Variants in PRKDC observed in about 807,000 individuals in gnomAD.
The protein encoded by PRKDC is DNA-dependent protein kinase catalytic subunit.
In PRKDC, 82 loss-of-function variants were observed where a neutral mutation model predicts 486.9. That is an observed-to-expected ratio of 0.17 (90% CI 0.14 to 0.20). The LOEUF (loss-of-function observed/expected upper bound fraction) is 0.20, where lower values mean the gene tolerates loss of function less well. Among genes scored for constraint, PRKDC ranks in the 10% least tolerant of loss-of-function variants. The pLI, the probability that PRKDC is intolerant of heterozygous loss-of-function variation, is 1.00. For missense variants in PRKDC, 4,504 were observed against 5,038.2 expected, an observed-to-expected ratio of 0.89 and a Z score of 3.21; for synonymous variants, 1,895 against 1,837.0, an observed-to-expected ratio of 1.03 and a Z score of -0.81.
At chr8:47,918,415 T>C (rs1237308661) in intron 21 of PRKDC, 32 bp from the exon 22 acceptor site, 4 of 1,321,324 alleles carry the variant, frequency 3.0e-6, no homozygotes, top group Non-Finnish European at 4.1e-6. Flanking sequence ...AAATTTAAAA[T>C]AGCACTCATT....
chr8:47,920,323 G>T (rs2090052075), intron 21 of PRKDC, among the ~76,000 whole-genome samples: 1 of 152,106 alleles, frequency 6.6e-6, no homozygotes, highest in Non-Finnish European at 1.5e-5. Flanking sequence ...CTGGTTTTTG[G>T]CTCAAATTGC....
At chr8:47,813,400 A>T (rs538447203) in intron 68 of PRKDC, among the ~76,000 whole-genome samples, 2 of 152,088 alleles carry the variant, frequency 1.3e-5, no homozygotes, top group Admixed American at 1.3e-4. Context: ...TTACAGGTGT[A>T]AGCCACCATG....
chr8:47,883,963 G>T (rs1197273822), intron 36 of PRKDC, among the ~76,000 whole-genome samples: 3 of 152,228 alleles, frequency 2.0e-5, no homozygotes, highest in Non-Finnish European at 4.4e-5. Flanking sequence ...GACCCAGCTG[G>T]CTATGATGCC....
chr8:47,847,898 A>T (rs576370338), intron 54 of PRKDC, among the ~76,000 whole-genome samples: 9 of 149,162 alleles, frequency 6.0e-5, no homozygotes, highest in African/African-American at 7.4e-5. Flanking sequence ...TATATATATA[A>T]AAGTCATCAT....
At chr8:47,900,214 C>T (rs2089654464) in intron 28 of PRKDC, among the ~76,000 whole-genome samples, 159 bp downstream of exon 28, 2 of 152,040 alleles carry the variant, frequency 1.3e-5, no homozygotes, top group African/African-American at 4.8e-5. Flanking sequence ...TATTAACAAG[C>T]TGGGTTTGAG....
chr8:47,927,011 A>G, intron 21 of PRKDC, 183 bp downstream of exon 21: 1 of 639,808 alleles, frequency 1.6e-6, no homozygotes, highest in Admixed American at 3.4e-5. Flanking sequence ...TTAATACCTC[A>G]ACTATATTTC....
chr8:47,779,139 TTA>T (rs1224535177), intron 80 of PRKDC, 46 bp from the exon 81 acceptor site: 3 of 1,381,276 alleles, frequency 2.2e-6, no homozygotes, highest in African/African-American at 2.9e-5. Flanking sequence ...GATTTTAGCA[TTA>T]TGTGATTTCA....
intron 61 of PRKDC, 83 bp downstream of exon 61, chr8:47,830,522 G>C: frequency 6.5e-7 from 1 of 1,546,038 alleles, no homozygotes; most frequent in South Asian, 1.2e-5. Context: ...GACAGCCTCA[G>C]CCATGTTTCC....
intron 58 of PRKDC, 27 bp downstream of exon 58, chr8:47,836,311 A>G (rs573138223): frequency 2.0e-6 from 3 of 1,526,648 alleles, no homozygotes; most frequent in East Asian, 2.3e-5. Flanking sequence ...TGCTGTATAC[A>G]TGGCCAGCGG....
rs1273425659 is a variant in PRKDC, at chr8:47,819,412, T to C, written c.9435A>G (p.Ile3145Met). 3.9e-6 allele frequency: 6 copies of C among 1,533,922 alleles called. No individual in the cohort carries two copies. Among genetic ancestry groups the C allele is most frequent in the East Asian group, 2.4e-5 (1 of 41,726 alleles). The change falls in exon 67 of 86, where the codon ATA (isoleucine) becomes ATG (methionine). Residue 3145 changes from isoleucine (I) to methionine (M), a missense_variant. Physicochemically the swap from Ile to Met is conservative, Grantham distance 10 (BLOSUM62 1). This residue lies in a region of PRKDC where 1,592 missense variants were observed against 1,724.6 expected (regional missense o/e 0.92). Transcript: ENST00000314191. ...GATGAAAAAAATTACCTTGTTTGCT[T>C]ATAAAGCTGATGAACTCCTGAATTT... ...LTEIQEFISF[I>M]SKQGNLSSQV...
intron 76 of PRKDC, among the ~76,000 whole-genome samples, chr8:47,788,669 C>A (rs752419696): frequency 3.5e-4 from 54 of 152,188 alleles, no homozygotes; most frequent in Non-Finnish European, 6.6e-4. Flanking sequence ...TGAGCATGAA[C>A]AACGTGTAAT....
At chr8:47,921,657 T>A (rs186213870) in intron 21 of PRKDC, among the ~76,000 whole-genome samples, 105 of 152,286 alleles carry the variant, frequency 6.9e-4, no homozygotes, top group Middle Eastern at 3.4e-3. Context: ...ATACTGCTGG[T>A]GTGTAAGGCA....
rs1356141678 is a variant in PRKDC, at chr8:47,799,278, A to G, written c.10229T>C (p.Ile3410Thr). Reference protein sequence around the residue: ...SWSCGPAAGVIDAYMTLADFC... With the variant: ...SWSCGPAAGVTDAYMTLADFC... ...ATCTGCCAGCGTCATGTAAGCATCA[A>G]TCACCCCAGCTGCAGGCCCACAGCT... Residue 3410 changes from isoleucine (I) to threonine (T), a missense_variant, in exon 72 of 86, where the codon ATT (isoleucine) becomes ACT (threonine). Transcript: ENST00000314191. 1.9e-6 allele frequency: 3 copies of G among 1,613,664 alleles called. No individual in the cohort carries two copies. The highest frequency in any genetic ancestry group is 2.2e-5 in the East Asian group (1 of 44,898).
Position 47,817,563 on chromosome 8 carries a change from TA to T in PRKDC, c.9446-3del. On this transcript the variant is annotated splice_region_variant and splice_polypyrimidine_tract_variant and intron_variant, in intron 67 of 85. Coordinates refer to ENST00000314191, the MANE Select transcript of PRKDC (RefSeq NM_006904.7). ...GGGGAACTTGAGATGATAAATTGCCTAAAAATAGTATTAGAGGGTGACTATA... is the reference window on the plus strand; with the variant it reads ...GGGGAACTTGAGATGATAAATTGCCTAAAATAGTATTAGAGGGTGACTATA... 2 of 1,558,810 alleles carry T rather than the reference TA, an allele frequency of 1.3e-6. No individual in the cohort carries two copies. Among genetic ancestry groups the T allele is most frequent in the Admixed American group, 1.8e-5 (1 of 55,852 alleles).
At chr8:47,887,731 C>T in intron 34 of PRKDC, 26 bp from the exon 35 acceptor site, 1 of 1,571,318 alleles carries the variant, frequency 6.4e-7, no homozygotes, top group East Asian at 2.3e-5. Context: ...CACTGAAATG[C>T]CTAGCAAAAA....
Position 47,819,451 on chromosome 8 carries a change from T to C in PRKDC, c.9396A>G (p.Val3132=). The part of the protein sequence containing the change: ...HQSRLTKLQS[V]QALTEIQEFI... ...ACTCCTGAATTTCTGTTAAAGCCTGTACAGACTGCAATTTGGTGAGTCTAC... is the reference window on the plus strand; with the variant it reads ...ACTCCTGAATTTCTGTTAAAGCCTGCACAGACTGCAATTTGGTGAGTCTAC... The change falls in exon 67 of 86, where the codon GTA becomes GTG. Residue 3132 remains valine, a synonymous_variant. Transcript: ENST00000314191. 6.4e-7 allele frequency: 1 copy of C among 1,564,666 alleles called. No homozygotes were observed. The highest frequency in any genetic ancestry group is 8.6e-7 in the Non-Finnish European group (1 of 1,163,432).
At chr8:47,779,293 T>A in intron 80 of PRKDC, 200 bp from the exon 81 acceptor site, 2 of 480,478 alleles carry the variant, frequency 4.2e-6, no homozygotes, top group Non-Finnish European at 7.3e-6. Flanking sequence ...TCATTCTTAA[T>A]TACTCCTAAA....
intron 38 of PRKDC, among the ~76,000 whole-genome samples, chr8:47,880,702 A>C (rs2089194884): frequency 6.6e-6 from 1 of 152,180 alleles, no homozygotes; most frequent in African/African-American, 2.4e-5. Context: ...CAATTTAAAT[A>C]ATATGTATGC....
chr8:47,954,432 A>G lies in PRKDC; in HGVS notation c.414T>C (p.Phe138=), dbSNP rs2090671256. The change falls in exon 5 of 86, where the codon TTT becomes TTC. Residue 138 remains phenylalanine (F), a synonymous_variant. Coordinates refer to ENST00000314191, the MANE Select transcript of PRKDC (RefSeq NM_006904.7). ...LDLLIKLLQT[F]RSSRLMDEFK... ...ATTCATCCATGAGTCTAGAACTTCT[A>G]AAAGTCTGAAGTAACTAAAAGAATA... 2.3e-6 allele frequency: 3 copies of G among 1,329,912 alleles called. No homozygotes were observed. The highest frequency in any genetic ancestry group is 3.1e-6 in the Non-Finnish European group (3 of 980,474). 82.4% of individuals were successfully genotyped at this position (1,329,912 alleles called of 1,614,324 possible).
Sources: allele counts gnomAD v4.1 joint callset (sites outside exome capture counted in the v4.1 genomes callset), GRCh38; gene constraint gnomAD v4.1.1; regional missense constraint gnomAD v4.1.1; transcripts MANE v1.5; gene names NCBI Gene and HGNC (gene_info 2026-07-23, HGNC 2026-07-21).